The following NELL1 variants were observed in gnomAD, a reference collection of about 807,000 sequenced individuals.
NELL1 encodes neural EGFL like 1, also known as protein kinase C-binding protein NELL1.
Under a neutral mutation model 107.4 loss-of-function variants are expected in NELL1, and 76 were observed. The ratio of observed to expected loss-of-function variants is 0.71; its 90% CI spans 0.59 to 0.86. The LOEUF is 0.86. Ranked by LOEUF, NELL1 falls within the 40% of genes least tolerant of loss-of-function variation. NELL1 has a pLI of 0.00. For synonymous variants in NELL1, 353 were observed against 341.2 expected, an observed-to-expected ratio of 1.03 and a Z score of -0.38; for missense variants, 1,024 against 1,005.5, an observed-to-expected ratio of 1.02 and a Z score of -0.25.
intron 14 of NELL1, among the ~76,000 whole-genome samples, chr11:21,334,125 A>G (rs940607253): frequency 2.2e-4 from 34 of 152,104 alleles, no homozygotes; most frequent in African/African-American, 7.7e-4. Flanking sequence ...TGTAAAAACC[A>G]TAGAACTTAT....
At chr11:21,335,005 A>G (rs1590846655) in intron 14 of NELL1, among the ~76,000 whole-genome samples, 1 of 152,020 alleles carries the variant, frequency 6.6e-6, no homozygotes, top group South Asian at 2.1e-4. Context: ...CAACAGAATT[A>G]GAGGCATGGT....
chr11:20,693,845 T>C (rs1854540285), intron 2 of NELL1, among the ~76,000 whole-genome samples: 1 of 152,222 alleles, frequency 6.6e-6, no homozygotes. Flanking sequence ...CTTGCTAGAT[T>C]GGGGAAGTTC....
chr11:21,174,253 C>A lies in NELL1; in HGVS notation c.1427-55079C>A, dbSNP rs984971328. 8.6e-5 allele frequency among the ~76,000 whole-genome samples: 13 copies of A among 151,960 alleles called. 1 individual carries two copies. Among genetic ancestry groups the A allele is most frequent in the Middle Eastern group, 6.8e-3 (2 of 294 alleles). On this transcript the variant is annotated intron_variant, in intron 13 of 19. Coordinates refer to ENST00000357134, the MANE Select transcript of NELL1 (RefSeq NM_006157.5). ...AGTAACTGATTCTGTCCCAGGCAAA[C>A]TGGGATGTATGGCAACATTACCAAA...
At chr11:20,847,827 A>T in intron 4 of NELL1, 74 bp downstream of exon 4, 1 of 1,457,542 alleles carries the variant, frequency 6.9e-7, no homozygotes, top group Non-Finnish European at 9.2e-7. Context: ...AAAATATCAA[A>T]TTCCTTCAAG....
At chr11:21,119,075 A>G (rs1346503044) in intron 13 of NELL1, among the ~76,000 whole-genome samples, 3 of 152,224 alleles carry the variant, frequency 2.0e-5, no homozygotes, top group African/African-American at 2.4e-5. Context: ...TAATTAGGCA[A>G]TATCTTCAAA....
chr11:20,712,612 G>C (rs2133897709), intron 2 of NELL1, among the ~76,000 whole-genome samples: 1 of 152,294 alleles, frequency 6.6e-6, no homozygotes, highest in African/African-American at 2.4e-5. Context: ...GAGTAATCCA[G>C]TAGAGAGGTC....
At chr11:21,409,437 T>G (rs1852319573) in intron 15 of NELL1, among the ~76,000 whole-genome samples, 1 of 151,482 alleles carries the variant, frequency 6.6e-6, no homozygotes, top group South Asian at 2.1e-4. Context: ...GTTGTGGGGT[T>G]GGGGGAGCGG....
At chr11:20,841,783 T>C (rs1244163571) in intron 3 of NELL1, among the ~76,000 whole-genome samples, 1 of 152,144 alleles carries the variant, frequency 6.6e-6, no homozygotes, top group Non-Finnish European at 1.5e-5. Context: ...TGAGGAATCC[T>C]AGGGCTTTGC....
chr11:20,755,558 T>TATTTATTTTTTTTTTTTA (rs1564895070), intron 2 of NELL1, among the ~76,000 whole-genome samples: 4 of 16,432 alleles, frequency 2.4e-4, no homozygotes, highest in African/African-American at 4.2e-4. Flanking sequence ...TTGTTTTTGT[T>TATTTATTTTTTTTTTTTA]TTTGTTTTTT....
chr11:21,272,524 A>G (rs541262818), intron 14 of NELL1, among the ~76,000 whole-genome samples: 1 of 152,334 alleles, frequency 6.6e-6, no homozygotes, highest in South Asian at 2.1e-4. Flanking sequence ...GCAGACTTAA[A>G]TGTCCCTGTC....
chr11:21,204,657 G>T (rs1857349472), intron 13 of NELL1, among the ~76,000 whole-genome samples: 3 of 151,958 alleles, frequency 2.0e-5, no homozygotes, highest in Non-Finnish European at 4.4e-5. Flanking sequence ...TCCCTTGCTG[G>T]TGAGGAGTTG....
intron 2 of NELL1, among the ~76,000 whole-genome samples, chr11:20,718,219 C>A (rs79322374): frequency 0.012 from 1,781 of 152,266 alleles, 42 homozygotes; most frequent in African/African-American, 0.04. Flanking sequence ...CTACACTACC[C>A]AATCCTATAG....
intron 14 of NELL1, among the ~76,000 whole-genome samples, chr11:21,364,749 G>C (rs1851176488): frequency 6.6e-6 from 1 of 152,170 alleles, no homozygotes. Flanking sequence ...GCAAAAGTCT[G>C]TATGCAGATA....
At chr11:20,903,273 A>G (rs1369902151) in intron 5 of NELL1, among the ~76,000 whole-genome samples, 1 of 152,046 alleles carries the variant, frequency 6.6e-6, no homozygotes, top group Non-Finnish European at 1.5e-5. Context: ...ATTCAATGCA[A>G]TGGTGTGTCT....
intron 15 of NELL1, among the ~76,000 whole-genome samples, chr11:21,493,242 C>T (rs1169732579): frequency 6.6e-6 from 1 of 151,932 alleles, no homozygotes; most frequent in Admixed American, 6.6e-5. Flanking sequence ...GGGTATTTAT[C>T]CAAAAGAAAA....
intron 14 of NELL1, among the ~76,000 whole-genome samples, chr11:21,305,607 AACT>A (rs1251494057): frequency 2.6e-5 from 4 of 151,914 alleles, no homozygotes; most frequent in African/African-American, 9.7e-5. Flanking sequence ...GAGGCTACCA[AACT>A]ACATATCTAG....
At chr11:20,937,709 T>C (rs1460783942) in intron 9 of NELL1, 77 bp from the exon 10 acceptor site, 1 of 965,530 alleles carries the variant, frequency 1.0e-6, no homozygotes, top group Non-Finnish European at 1.7e-6. Context: ...GTGGAATCTA[T>C]TGGAGTTAGA....
chr11:21,337,842 TTTCTTTCTTTC>T lies in NELL1; in HGVS notation c.1550-33008_1550-32998del, dbSNP rs1565175639. On this transcript the variant is annotated intron_variant, in intron 14 of 19. Transcript: ENST00000357134. ...CTTCTTTCTTTCTTTCTTTCTTTTC[TTTCTTTCTTTC>T]TTTCTTTCTTTCTTTCTTTCTTTCT... Among the ~76,000 whole-genome samples, 55 of 138,962 alleles carry T rather than the reference TTTCTTTCTTTC, an allele frequency of 4.0e-4. 1 individual carries two copies. Among genetic ancestry groups the T allele is most frequent in the African/African-American group, 1.3e-3 (49 of 36,558 alleles). 91.2% of individuals were successfully genotyped at this position (138,962 alleles called of 152,430 possible). A position where few individuals can be genotyped will look rare whatever the true frequency, so the allele number is the denominator to read the frequency against.
intron 13 of NELL1, among the ~76,000 whole-genome samples, chr11:21,177,523 C>A (rs1387719934): frequency 2.0e-5 from 3 of 151,712 alleles, no homozygotes; most frequent in African/African-American, 7.3e-5. Context: ...GATGGGCACC[C>A]TGGTTGTTTC....
Sources: gnomAD v4.1 joint callset for allele counts (sites outside exome capture counted in the v4.1 genomes callset) on GRCh38, gnomAD v4.1.1 for gene constraint, MANE v1.5 for transcripts, NCBI Gene and HGNC (gene_info 2026-07-23, HGNC 2026-07-21) for gene names.